The following ANKIB1 variants were observed in gnomAD, a reference collection of about 807,000 sequenced individuals.
The protein encoded by ANKIB1 is ankyrin repeat and IBR domain-containing protein 1.
In ANKIB1, 43 loss-of-function variants were observed where a neutral mutation model predicts 122.1. The observed-to-expected ratio is 0.35, with a 90% CI of 0.28 to 0.45. ANKIB1 has a LOEUF of 0.45. Among genes scored for constraint, ANKIB1 ranks in the 20% least tolerant of loss-of-function variants. The pLI is 1.00. For synonymous variants in ANKIB1, 390 were observed against 442.0 expected (o/e 0.88, Z 1.48); for missense variants, 992 against 1,329.5 (o/e 0.75, Z 3.95).
At chr7:92,289,725 T>C (rs1455617017) in intron 1 of ANKIB1, among the ~76,000 whole-genome samples, 1 of 152,234 alleles carries the variant, frequency 6.6e-6, no homozygotes. Context: ...GCATGTTGAC[T>C]GGGGGAATGA....
Position 92,309,937 on chromosome 7 carries a change from AAAAAAAT to A in ANKIB1, c.486+2283_486+2289del, listed in dbSNP as rs1225928090. On this transcript the variant is annotated intron_variant, in intron 3 of 19. Transcript: ENST00000265742. ...GAGACTCCATCTAAAAAAAAAAAAA[AAAAAAAT>A]ATATATATATATATATATAAATTAA... 5.9e-4 allele frequency among the ~76,000 whole-genome samples: 80 copies of A among 135,750 alleles called. 1 individual carries two copies. Among genetic ancestry groups the A allele is most frequent in the Admixed American group, 1.6e-3 (21 of 13,472 alleles). The allele number at this position is 135,750 out of a possible 152,430, so 89.1% of individuals were successfully genotyped here. A position where few individuals can be genotyped will look rare whatever the true frequency, so the allele number is the denominator to read the frequency against.
At chr7:92,341,458 T>C (rs992736134) in intron 5 of ANKIB1, among the ~76,000 whole-genome samples, 2 of 150,962 alleles carry the variant, frequency 1.3e-5, no homozygotes, top group South Asian at 2.1e-4. Flanking sequence ...TATATACTTA[T>C]AACTGCACTG....
At chr7:92,338,933 A>AATATAAATAT (rs1803364577) in intron 5 of ANKIB1, among the ~76,000 whole-genome samples, 1 of 21,918 alleles carries the variant, frequency 4.6e-5, no homozygotes, top group Non-Finnish European at 8.0e-5. Flanking sequence ...AAAAAAAAAA[A>AATATAAATAT]ATATATATAT....
At position 92,246,500 on chromosome 7, in the gene ANKIB1, C is replaced by T. The variant is rs746991922; in HGVS notation, c.-110C>T. The T allele has an allele frequency of 1.5e-5, 8 of 518,410 alleles. No individual in the cohort carries two copies. Among genetic ancestry groups the T allele is most frequent in the Middle Eastern group, 3.2e-4 (1 of 3,164 alleles). 32.1% of individuals were successfully genotyped at this position (518,410 alleles called of 1,614,324 possible). A position where few individuals can be genotyped will look rare whatever the true frequency, so the allele number is the denominator to read the frequency against. On this transcript the variant is annotated 5_prime_UTR_variant, in exon 1 of 20. Coordinates refer to ENST00000265742, the MANE Select transcript of ANKIB1 (RefSeq NM_019004.2). ...AGTTGCTGGGTCCACCGACCCTTAC[C>T]CTCAGCGAGAGAAGTAACCGTAAGT...
rs73713707 is a variant in ANKIB1, at chr7:92,371,190, A to G, written c.1487-287A>G. ...TAATATGTTGCTTTTTTTTTTTTAA[A>G]TTTTTTTGTGTATATTGTTTTTGAT... On this transcript the variant is annotated intron_variant, in intron 10 of 19. Coordinates refer to ENST00000265742, the MANE Select transcript of ANKIB1 (RefSeq NM_019004.2). 0.035 allele frequency among the ~76,000 whole-genome samples: 5,187 copies of G among 149,506 alleles called. 262 individuals are homozygous for G. The highest frequency in any genetic ancestry group is 0.12 in the African/African-American group (4,730 of 40,688).
Position 92,246,260 on chromosome 7 carries a change from C to A in ANKIB1, c.-350C>A, listed in dbSNP as rs1332904995. ...GCAGCGGCCGGAGAGGGATGGGGGG[C>A]GCCCACCCAGTCTGAGCCTCGCCGC... On this transcript the variant is annotated 5_prime_UTR_variant, in exon 1 of 20. Transcript: ENST00000265742. 2.6e-6 allele frequency: 1 copy of A among 390,382 alleles called. No individual in the cohort carries two copies. The highest frequency in any genetic ancestry group is 4.9e-6 in the Non-Finnish European group (1 of 203,594). 24.2% of individuals were successfully genotyped at this position (390,382 alleles called of 1,614,324 possible).
Position 92,257,937 on chromosome 7 carries a change from G to T in ANKIB1, c.-91+11418G>T, listed in dbSNP as rs1188058422. ...ATCTTTCTCTATTTCTGTAAGAGGT[G>T]TGTTTGCCATGTGGTGACATTTTCT... On this transcript the variant is annotated intron_variant, in intron 1 of 19. Coordinates refer to ENST00000265742, the MANE Select transcript of ANKIB1 (RefSeq NM_019004.2). 2.6e-5 allele frequency among the ~76,000 whole-genome samples: 4 copies of T among 152,174 alleles called. No individual in the cohort carries two copies. The East Asian group carries it at 5.8e-4, about 22-fold the overall frequency.
At chr7:92,338,423 A>AT in intron 5 of ANKIB1, among the ~76,000 whole-genome samples, 1 of 151,736 alleles carries the variant, frequency 6.6e-6, no homozygotes, top group Non-Finnish European at 1.5e-5. Flanking sequence ...TGCCTCAAAA[A>AT]AAAATAAAAA....
Position 92,371,484 on chromosome 7 carries a change from A to T in ANKIB1, c.1494A>T (p.Gly498=). 6.2e-7 allele frequency: 1 copy of T among 1,605,270 alleles called. No homozygotes were observed. The highest frequency in any genetic ancestry group is 1.1e-5 in the South Asian group (1 of 89,250). The change falls in exon 11 of 20, where the codon GGA becomes GGT. Residue 498 remains glycine, a synonymous_variant. Coordinates refer to ENST00000265742, the MANE Select transcript of ANKIB1 (RefSeq NM_019004.2). ...GTGTTTAATATCCCAAAGTTGTGGG[A>T]GTTAGTGAAGCCTACGAGGATGCCG... ...ITEMKPEELV[G]VSEAYEDAAN...
chr7:92,280,912 G>A (rs1415424381), intron 1 of ANKIB1, among the ~76,000 whole-genome samples: 1 of 152,126 alleles, frequency 6.6e-6, no homozygotes, highest in Non-Finnish European at 1.5e-5. Flanking sequence ...AGATGGTCTG[G>A]TAAATCCCAC....
At chr7:92,261,280 C>T (rs796178538) in intron 1 of ANKIB1, among the ~76,000 whole-genome samples, 24 of 145,264 alleles carry the variant, frequency 1.7e-4, no homozygotes, top group African/African-American at 5.9e-4. Flanking sequence ...ACCCGGGAGG[C>T]GGAGCTTGCA....
intron 2 of ANKIB1, among the ~76,000 whole-genome samples, chr7:92,306,243 C>T (rs1802559718): frequency 2.0e-5 from 3 of 152,198 alleles, no homozygotes; most frequent in Middle Eastern, 3.4e-3. Flanking sequence ...CTCCACTGAA[C>T]TACTCTAGGT....
intron 1 of ANKIB1, among the ~76,000 whole-genome samples, chr7:92,263,978 G>C (rs949912705): frequency 6.6e-6 from 1 of 152,112 alleles, no homozygotes; most frequent in Non-Finnish European, 1.5e-5. Context: ...TTTACAATTT[G>C]ACTGGACAAA....
Position 92,294,880 on chromosome 7 carries a change from C to T in ANKIB1, c.-90-9C>T. 7 of 791,880 alleles carry T rather than the reference C, an allele frequency of 8.8e-6. No individual in the cohort carries two copies. Among genetic ancestry groups the T allele is most frequent in the South Asian group, 3.0e-5 (1 of 33,082 alleles). 49.1% of individuals were successfully genotyped at this position (791,880 alleles called of 1,614,324 possible). A position where few individuals can be genotyped will look rare whatever the true frequency, so the allele number is the denominator to read the frequency against. ...TACAATCTAATTTGAATAACTTTTC[C>T]TTCATTAGAATGTGAAAGATGTTGC... is the stretch of plus-strand genomic sequence containing the variant. On this transcript the variant is annotated splice_polypyrimidine_tract_variant and intron_variant, in intron 1 of 19. Coordinates refer to ENST00000265742, the MANE Select transcript of ANKIB1 (RefSeq NM_019004.2).
At chr7:92,287,090 G>T (rs556175924) in intron 1 of ANKIB1, among the ~76,000 whole-genome samples, 157 of 152,260 alleles carry the variant, frequency 1.0e-3, no homozygotes, top group Non-Finnish European at 5.4e-4. Flanking sequence ...CTTATGGAAA[G>T]GTTGCAAAAA....
intron 3 of ANKIB1, among the ~76,000 whole-genome samples, chr7:92,317,915 G>A (rs914357292): frequency 6.6e-6 from 1 of 152,156 alleles, no homozygotes; most frequent in South Asian, 2.1e-4. Flanking sequence ...TAAGAGTCTG[G>A]GCAGAACTTC....
intron 2 of ANKIB1, among the ~76,000 whole-genome samples, chr7:92,297,125 C>T (rs1802372154): frequency 1.3e-5 from 2 of 152,166 alleles, no homozygotes; most frequent in African/African-American, 4.8e-5. Context: ...TCTGAATCCT[C>T]ATTACAATTT....
At chr7:92,295,293 A>C (rs902568205) in intron 2 of ANKIB1, 127 bp downstream of exon 2, 30 of 546,406 alleles carry the variant, frequency 5.5e-5, no homozygotes, top group African/African-American at 1.4e-4. Flanking sequence ...ATATATACAA[A>C]CATGTACATG....
intron 1 of ANKIB1, among the ~76,000 whole-genome samples, chr7:92,273,264 G>C (rs1056054205): frequency 5.9e-5 from 9 of 152,158 alleles, no homozygotes; most frequent in African/African-American, 2.2e-4. Context: ...CAATTAGAAT[G>C]ATTTATCATC....
Sources: allele counts gnomAD v4.1 joint callset (sites outside exome capture counted in the v4.1 genomes callset), GRCh38; gene constraint gnomAD v4.1.1; transcripts MANE v1.5; gene names NCBI Gene and HGNC (gene_info 2026-07-23, HGNC 2026-07-21).